ZFPM2: variants seen among roughly 807,000 people sequenced by gnomAD.
ZFPM2 encodes the protein zinc finger protein ZFPM2.
Under a neutral mutation model 98.6 loss-of-function variants are expected in ZFPM2, and 20 were observed. That is an observed-to-expected ratio of 0.20 (90% CI 0.14 to 0.29). ZFPM2 has a LOEUF of 0.29. Among genes scored for constraint, ZFPM2 ranks in the 10% least tolerant of loss-of-function variants. The pLI is 1.00. For missense variants in ZFPM2, 1,310 were observed against 1,388.6 expected, an observed-to-expected ratio of 0.94 and a Z score of 0.90; for synonymous variants, 518 against 502.7, an observed-to-expected ratio of 1.03 and a Z score of -0.41.
chr8:105,486,086 A>G (rs1813225920), intron 3 of ZFPM2, among the ~76,000 whole-genome samples: 1 of 151,924 alleles, frequency 6.6e-6, no homozygotes, highest in Non-Finnish European at 1.5e-5. Flanking sequence ...TCAGAAATGG[A>G]TCTTTCTGGT....
chr8:105,350,416 G>A (rs1812618822), intron 1 of ZFPM2, among the ~76,000 whole-genome samples: 1 of 152,080 alleles, frequency 6.6e-6, no homozygotes, highest in Non-Finnish European at 1.5e-5. Context: ...TACTCTAAAG[G>A]TTATGAAATA....
At chr8:105,333,210 A>G (rs1812265142) in intron 1 of ZFPM2, among the ~76,000 whole-genome samples, 1 of 151,706 alleles carries the variant, frequency 6.6e-6, no homozygotes, top group Non-Finnish European at 1.5e-5. Flanking sequence ...TCAACCTTAG[A>G]CCTTCTGTGC....
intron 2 of ZFPM2, among the ~76,000 whole-genome samples, chr8:105,441,522 G>A (rs1364343339): frequency 7.2e-6 from 1 of 138,986 alleles, no homozygotes; most frequent in Admixed American, 7.3e-5. Context: ...GGGGCGCCCC[G>A]GTGTTGGAGT....
intron 5 of ZFPM2, among the ~76,000 whole-genome samples, chr8:105,703,600 A>G (rs1245403755): frequency 6.6e-6 from 1 of 152,148 alleles, no homozygotes; most frequent in Admixed American, 6.6e-5. Context: ...TGTGACATGG[A>G]TGCTAGAGAA....
intron 3 of ZFPM2, among the ~76,000 whole-genome samples, chr8:105,552,560 C>A (rs1180264262): frequency 6.6e-6 from 1 of 152,152 alleles, no homozygotes; most frequent in Admixed American, 6.6e-5. Flanking sequence ...ACGACCACAG[C>A]TCCACCTTCT....
In ZFPM2 at chr8:105,590,442, T is replaced by A. The variant is rs141402910; in HGVS notation, c.420+28961T>A. ...TACAACTTTATTACCCATTTTTCAA[T>A]GCTTCTGTGTTAAGCCACACACATA... is the stretch of plus-strand genomic sequence containing the variant. On this transcript the variant is annotated intron_variant, in intron 4 of 7. Coordinates refer to ENST00000407775, the MANE Select transcript of ZFPM2 (RefSeq NM_012082.4). Among the ~76,000 whole-genome samples, 61 of 152,380 alleles carry A rather than the reference T, an allele frequency of 4.0e-4. 1 individual carries two copies. The highest frequency in any genetic ancestry group is 1.3e-3 in the African/African-American group (54 of 41,592).
At chr8:105,732,423 A>G (rs1220426492) in intron 5 of ZFPM2, among the ~76,000 whole-genome samples, 2 of 151,804 alleles carry the variant, frequency 1.3e-5, no homozygotes, top group Non-Finnish European at 2.9e-5. Flanking sequence ...TGTTCTGCTA[A>G]TGAGGATCCC....
In ZFPM2 at chr8:105,679,014, T is replaced by TA. The variant is rs537849069; in HGVS notation, c.532+44663dup. On this transcript the variant is annotated intron_variant, in intron 5 of 7. Coordinates refer to ENST00000407775, the MANE Select transcript of ZFPM2 (RefSeq NM_012082.4). ...GCTAGCCTGTGTGACCTTAAACAAA[T>TA]AAAAAACTCTTTCTTGACCTTTAGT... is the stretch of plus-strand genomic sequence containing the variant. 95 of 152,250 alleles carry TA rather than the reference T, an allele frequency of 6.2e-4. 1 individual carries two copies. The highest frequency in any genetic ancestry group is 6.2e-3 in the Admixed American group (95 of 15,294). The allele number at this position is 152,250 out of a possible 1,614,324, so 9.4% of individuals were successfully genotyped here.
chr8:105,648,826 T>C (rs1191101176), intron 5 of ZFPM2, among the ~76,000 whole-genome samples: 1 of 152,202 alleles, frequency 6.6e-6, no homozygotes, highest in Non-Finnish European at 1.5e-5. Flanking sequence ...CCTCCAGCTT[T>C]GTTCTTTTGG....
intron 5 of ZFPM2, among the ~76,000 whole-genome samples, chr8:105,647,732 A>G (rs1304834785): frequency 2.0e-5 from 3 of 152,282 alleles, no homozygotes; most frequent in African/African-American, 7.2e-5. Flanking sequence ...GCTGCATAGT[A>G]TTCCATGGTG....
In ZFPM2 at chr8:105,534,241, TCCTC is replaced by T. The variant is rs1294021972; in HGVS notation, c.302-27110_302-27107del. ...TTTTCTTCCTCCCTTCCTCCCTCCCTCCTCCCTCCCTCCCTTCCTCCTTTCCTTC... is the reference window on the plus strand; with the variant it reads ...TTTTCTTCCTCCCTTCCTCCCTCCCTCCTCCCTCCCTTCCTCCTTTCCTTC... On this transcript the variant is annotated intron_variant, in intron 3 of 7. Coordinates refer to ENST00000407775, the MANE Select transcript of ZFPM2 (RefSeq NM_012082.4). Among the ~76,000 whole-genome samples the T allele has an allele frequency of 6.6e-3, 209 of 31,552 alleles. 6 individuals are homozygous for T. Among genetic ancestry groups the T allele is most frequent in the African/African-American group, 0.035 (198 of 5,648 alleles). The allele number at this position is 31,552 out of a possible 152,430, so 20.7% of individuals were successfully genotyped here.
chr8:105,524,814 G>A (rs2130561142), intron 3 of ZFPM2, among the ~76,000 whole-genome samples: 1 of 152,202 alleles, frequency 6.6e-6, no homozygotes, highest in Middle Eastern at 3.4e-3. Context: ...CGGCTCTAAG[G>A]GAGAAGGAGC....
intron 1 of ZFPM2, among the ~76,000 whole-genome samples, chr8:105,366,611 T>C (rs968346143): frequency 5.9e-5 from 9 of 151,738 alleles, no homozygotes; most frequent in African/African-American, 2.2e-4. Context: ...GCTGGTGCGC[T>C]GCACCCACTA....
At chr8:105,544,066 A>G (rs1356309536) in intron 3 of ZFPM2, among the ~76,000 whole-genome samples, 1 of 152,164 alleles carries the variant, frequency 6.6e-6, no homozygotes, top group African/African-American at 2.4e-5. Context: ...TTGATACTAT[A>G]CACACTATTT....
intron 4 of ZFPM2, among the ~76,000 whole-genome samples, chr8:105,611,984 C>T (rs1816317234): frequency 6.6e-6 from 1 of 152,084 alleles, no homozygotes; most frequent in Non-Finnish European, 1.5e-5. Context: ...CAGGCATGAG[C>T]CACCACGCCC....
chr8:105,697,903 A>G (rs17219956), intron 5 of ZFPM2, among the ~76,000 whole-genome samples: 19,455 of 152,168 alleles, frequency 0.13, 1,525 homozygotes, highest in South Asian at 0.29. Flanking sequence ...GAGTTGAAGA[A>G]GGTCTTATCA....
chr8:105,560,188 GAA>G (rs10654480), intron 3 of ZFPM2, among the ~76,000 whole-genome samples: 1 of 142,852 alleles, frequency 7.0e-6, no homozygotes, highest in Non-Finnish European at 1.5e-5. Flanking sequence ...AAAAAAAAAA[GAA>G]AGAAAATATA....
At chr8:105,406,220 G>C (rs1379865581) in intron 1 of ZFPM2, among the ~76,000 whole-genome samples, 6 of 152,046 alleles carry the variant, frequency 3.9e-5, no homozygotes, top group Non-Finnish European at 8.8e-5. Context: ...CTCCCATTCT[G>C]TAGGTTGCCT....
Position 105,375,954 on chromosome 8 carries a change from A to G in ZFPM2, c.41-43190A>G, listed in dbSNP as rs1020108050. 1.8e-4 allele frequency among the ~76,000 whole-genome samples: 27 copies of G among 152,238 alleles called. No individual in the cohort carries two copies. In the South Asian group the frequency reaches 2.9e-3, roughly 16 times the overall value. ...TATCACAAAATCCTTTCTTAACCCCATATACCACCCCACTTCTCTATGCCC... is the reference window on the plus strand; with the variant it reads ...TATCACAAAATCCTTTCTTAACCCCGTATACCACCCCACTTCTCTATGCCC... On this transcript the variant is annotated intron_variant, in intron 1 of 7. Coordinates refer to ENST00000407775, the MANE Select transcript of ZFPM2 (RefSeq NM_012082.4).
Sources: gnomAD v4.1 joint callset for allele counts (sites outside exome capture counted in the v4.1 genomes callset) on GRCh38, gnomAD v4.1.1 for gene constraint, MANE v1.5 for transcripts, NCBI Gene and HGNC (gene_info 2026-07-23, HGNC 2026-07-21) for gene names.